The following CDH13 variants were observed in gnomAD, a reference collection of about 807,000 sequenced individuals.
The protein encoded by CDH13 is cadherin 13, also known as cadherin-13.
In CDH13, 24 loss-of-function variants were observed where a neutral mutation model predicts 63.8. The observed-to-expected ratio is 0.38, with a 90% CI of 0.27 to 0.53. CDH13 has a LOEUF of 0.53. Ranked by LOEUF, CDH13 falls within the 20% of genes least tolerant of loss-of-function variation. The pLI is 0.85. For synonymous variants in CDH13, 503 were observed against 355.3 expected (o/e 1.42, Z -4.67); for missense variants, 1,049 against 903.1 (o/e 1.16, Z -2.07).
intron 1 of CDH13, among the ~76,000 whole-genome samples, chr16:82,740,676 T>A (rs1034908879): frequency 1.3e-5 from 2 of 152,168 alleles, no homozygotes; most frequent in South Asian, 4.1e-4. Flanking sequence ...TTCGGAAACA[T>A]TCTTTTCCTG....
chr16:83,271,862 A>G (rs8052301), intron 5 of CDH13, among the ~76,000 whole-genome samples: 2 of 152,090 alleles, frequency 1.3e-5, no homozygotes, highest in African/African-American at 2.4e-5. Context: ...GGAGAAAACA[A>G]TTTATGTTCA....
intron 6 of CDH13, among the ~76,000 whole-genome samples, chr16:83,373,111 T>G (rs1318450827): frequency 6.6e-6 from 1 of 152,200 alleles, no homozygotes; most frequent in Non-Finnish European, 1.5e-5. Flanking sequence ...TTTGGGCATA[T>G]TTGGGTATTT....
intron 10 of CDH13, chr16:83,710,694 C>T (rs1567538575): frequency 6.6e-6 from 1 of 152,176 alleles, no homozygotes; most frequent in African/African-American, 2.4e-5. Flanking sequence ...CCAGAGTTTC[C>T]TTGTCTTGGG....
chr16:82,774,520 C>G (rs1222434123), intron 1 of CDH13, among the ~76,000 whole-genome samples: 2 of 152,170 alleles, frequency 1.3e-5, no homozygotes, highest in Non-Finnish European at 2.9e-5. Flanking sequence ...AGGTTTCAAT[C>G]TTGACCTTCA....
chr16:82,943,878 C>G (rs1904402837), intron 2 of CDH13, among the ~76,000 whole-genome samples: 1 of 152,204 alleles, frequency 6.6e-6, no homozygotes, highest in Admixed American at 6.5e-5. Flanking sequence ...GAGGTAACTT[C>G]ACATTTTCTT....
chr16:83,000,059 T>C (rs1431600138), intron 2 of CDH13, among the ~76,000 whole-genome samples: 1 of 151,876 alleles, frequency 6.6e-6, no homozygotes, highest in Non-Finnish European at 1.5e-5. Context: ...CTGCCCAAAA[T>C]GTCAATAGTG....
intron 6 of CDH13, among the ~76,000 whole-genome samples, chr16:83,460,757 G>C (rs915840551): frequency 3.1e-4 from 47 of 151,932 alleles, no homozygotes; most frequent in African/African-American, 1.1e-3. Flanking sequence ...ATTTTGGGAG[G>C]CCGAGGCGGG....
intron 1 of CDH13, among the ~76,000 whole-genome samples, chr16:82,645,446 AG>A (rs1909980699): frequency 6.6e-6 from 1 of 152,060 alleles, no homozygotes; most frequent in South Asian, 2.1e-4. Context: ...CCCTCGGGAC[AG>A]TTTGCAATAT....
chr16:83,614,439 TAGAC>T (rs1018909240), intron 8 of CDH13, among the ~76,000 whole-genome samples: 4 of 152,246 alleles, frequency 2.6e-5, no homozygotes, highest in African/African-American at 9.6e-5. Flanking sequence ...TCTGGCCTCT[TAGAC>T]AGCACCTTCT....
At chr16:82,805,654 T>G (rs941943095) in intron 1 of CDH13, among the ~76,000 whole-genome samples, 4 of 152,174 alleles carry the variant, frequency 2.6e-5, no homozygotes, top group Admixed American at 2.6e-4. Context: ...TGTAAAAATC[T>G]ACTTTGGAGA....
intron 1 of CDH13, among the ~76,000 whole-genome samples, chr16:82,637,976 C>G (rs1908895086): frequency 6.6e-6 from 1 of 152,180 alleles, no homozygotes. Flanking sequence ...CAGATAAAAA[C>G]AAGTAAGTAC....
At chr16:83,649,862 C>T (rs12716743) in intron 8 of CDH13, among the ~76,000 whole-genome samples, 151,993 of 152,336 alleles carry the variant, frequency 1, 75,825 homozygotes, top group Middle Eastern at 1. Context: ...ATTCAAAAGG[C>T]GGGCCCAGGT....
chr16:83,087,985 G>A (rs1331549092), intron 3 of CDH13, among the ~76,000 whole-genome samples: 2 of 152,174 alleles, frequency 1.3e-5, no homozygotes, highest in Non-Finnish European at 2.9e-5. Context: ...CTCCGTCAGT[G>A]TGCAGCCTTC....
chr16:82,895,120 G>T (rs1011770972), intron 2 of CDH13, among the ~76,000 whole-genome samples: 3 of 152,142 alleles, frequency 2.0e-5, no homozygotes, highest in Admixed American at 2.0e-4. Context: ...TATTTGCAGT[G>T]CTTTGCAATC....
At chr16:83,197,494 A>C (rs566468836) in intron 4 of CDH13, among the ~76,000 whole-genome samples, 34 of 152,164 alleles carry the variant, frequency 2.2e-4, no homozygotes, top group Non-Finnish European at 3.7e-4. Context: ...GGTTTTATTC[A>C]TTCTTTCTAA....
intron 6 of CDH13, among the ~76,000 whole-genome samples, chr16:83,471,837 C>G (rs554512238): frequency 2.0e-5 from 3 of 152,164 alleles, no homozygotes; most frequent in Admixed American, 2.0e-4. Flanking sequence ...TGAGTCTCAT[C>G]GAGCACATGG....
intron 5 of CDH13, among the ~76,000 whole-genome samples, chr16:83,257,799 G>A (rs1231157416): frequency 6.6e-6 from 1 of 152,186 alleles, no homozygotes; most frequent in African/African-American, 2.4e-5. Flanking sequence ...TGGGATTGCT[G>A]GGTTGAACGC....
intron 13 of CDH13, among the ~76,000 whole-genome samples, chr16:83,793,868 G>T (rs951553613): frequency 6.6e-6 from 1 of 152,122 alleles, no homozygotes; most frequent in African/African-American, 2.4e-5. Flanking sequence ...TTTGAGATGG[G>T]GAGAGTATCT....
intron 3 of CDH13, among the ~76,000 whole-genome samples, chr16:83,042,976 G>T (rs1401794836): frequency 6.6e-6 from 1 of 152,178 alleles, no homozygotes; most frequent in African/African-American, 2.4e-5. Flanking sequence ...CATGGCAAAA[G>T]CCTCCCCAGG....
Sources: gnomAD v4.1 joint callset for allele counts (sites outside exome capture counted in the v4.1 genomes callset) on GRCh38, gnomAD v4.1.1 for gene constraint, MANE v1.5 for transcripts, NCBI Gene and HGNC (gene_info 2026-07-23, HGNC 2026-07-21) for gene names.